The following CBX1 variants were observed in gnomAD, a reference collection of about 807,000 sequenced individuals.
CBX1 encodes chromobox 1, also known as chromobox protein homolog 1.
CBX1 carries 10 observed loss-of-function variants against 25.1 expected under a neutral mutation model. The ratio of observed to expected loss-of-function variants is 0.40; its 90% confidence interval spans 0.25 to 0.68. The LOEUF (loss-of-function observed/expected upper bound fraction) is 0.68. Among genes scored for constraint, CBX1 ranks in the 30% least tolerant of loss-of-function variants. CBX1 has a pLI of 0.40. For missense variants in CBX1, 106 were observed against 218.5 expected (o/e 0.49, Z 3.25); for synonymous variants, 63 against 79.4 (o/e 0.79, Z 1.10).
intron 1 of CBX1, among the ~76,000 whole-genome samples, chr17:48,094,757 T>C (rs965944862): frequency 7.8e-6 from 1 of 128,238 alleles, no homozygotes; most frequent in African/African-American, 3.0e-5. Flanking sequence ...AAAAAAAAAG[T>C]GTGCTCCTGA....
intron 1 of CBX1, chr17:48,095,927 C>T (rs962669966): frequency 3.9e-5 from 6 of 152,174 alleles, no homozygotes; most frequent in African/African-American, 7.2e-5. Context: ...TTCACCCAGG[C>T]TAGAGTACAG....
rs375669887 is a variant in CBX1 at position 48,101,439 on chromosome 17, G to C, written c.-209C>G. The C allele has an allele frequency of 1.4e-5, 14 of 985,620 alleles. No individual in the cohort carries two copies. The East Asian group carries it at 1.4e-3, about 96-fold the overall frequency. 61.1% of individuals were successfully genotyped at this position (985,620 alleles called of 1,614,324 possible). ...CCGGCCAACGGCCCTCCCCTCAGCCGAACAAAAGAGCCTCGCAGTCTGCGC... is the reference window on the plus strand; with the variant it reads ...CCGGCCAACGGCCCTCCCCTCAGCCCAACAAAAGAGCCTCGCAGTCTGCGC... On this transcript the variant is annotated 5_prime_UTR_variant, in exon 1 of 5. Transcript: ENST00000225603.
At position 48,071,083 on chromosome 17, in the gene CBX1, G is replaced by A. The variant is rs1367564738; in HGVS notation, c.*352C>T. On this transcript the variant is annotated 3_prime_UTR_variant, in exon 5 of 5. Transcript: ENST00000225603. ...CAGAGTTAACACTATTGGGAAGAAGGCTGTGGGTTGTGGAGATGCTCTTTG... is the reference window on the plus strand; with the variant it reads ...CAGAGTTAACACTATTGGGAAGAAGACTGTGGGTTGTGGAGATGCTCTTTG... The A allele has an allele frequency of 5.9e-6, 1 of 169,898 alleles. No homozygotes were observed. The highest frequency in any genetic ancestry group is 5.9e-5 in the Admixed American group (1 of 16,964). The allele number at this position is 169,898 out of a possible 1,614,324, so 10.5% of individuals were successfully genotyped here.
At chr17:48,092,062 C>T (rs1419038455) in intron 1 of CBX1, among the ~76,000 whole-genome samples, 1 of 134,786 alleles carries the variant, frequency 7.4e-6, no homozygotes, top group African/African-American at 2.9e-5. Flanking sequence ...GCCATCTTGA[C>T]TCACCACAAC....
At chr17:48,085,051 T>C (rs531625874) in intron 1 of CBX1, among the ~76,000 whole-genome samples, 2 of 152,326 alleles carry the variant, frequency 1.3e-5, no homozygotes, top group South Asian at 4.1e-4. Context: ...TTGTCCTACT[T>C]AGCCAACTCG....
chr17:48,076,856 GA>G lies in CBX1; in HGVS notation c.140+8del. ...GGTGGCTACATTTACCTGTGTCAGT[GA>G]AACTTACTCTGAGAATCCCTTCCAC... On this transcript the variant is annotated splice_region_variant and intron_variant, in intron 2 of 4. Transcript: ENST00000225603. 6.2e-7 allele frequency: 1 copy of G among 1,607,194 alleles called. No individual in the cohort carries two copies. Among genetic ancestry groups the G allele is most frequent in the Middle Eastern group, 2.2e-4 (1 of 4,556 alleles).
At chr17:48,074,403 T>C (rs1376699003) in intron 4 of CBX1, among the ~76,000 whole-genome samples, 2 of 152,194 alleles carry the variant, frequency 1.3e-5, no homozygotes, top group Non-Finnish European at 2.9e-5. Flanking sequence ...ACAGAGATTG[T>C]TGGGATAACT....
chr17:48,072,293 G>T (rs541686058), intron 4 of CBX1, among the ~76,000 whole-genome samples: 1 of 152,206 alleles, frequency 6.6e-6, no homozygotes, highest in South Asian at 2.1e-4. Flanking sequence ...TTACAGGCAT[G>T]AGCCACCTCG....
intron 1 of CBX1, among the ~76,000 whole-genome samples, chr17:48,092,285 C>T (rs1261387361): frequency 2.0e-5 from 3 of 151,508 alleles, no homozygotes; most frequent in Non-Finnish European, 2.9e-5. Context: ...CCACCATGCC[C>T]GACCAGATCT....
At chr17:48,074,444 C>CA (rs1486713619) in intron 4 of CBX1, among the ~76,000 whole-genome samples, 1 of 152,160 alleles carries the variant, frequency 6.6e-6, no homozygotes, top group Non-Finnish European at 1.5e-5. Flanking sequence ...TGGAGTATTA[C>CA]TATCACTGGT....
chr17:48,076,302 A>C (rs2037674211), intron 2 of CBX1, 124 bp from the exon 3 acceptor site: 1 of 696,842 alleles, frequency 1.4e-6, no homozygotes, highest in South Asian at 4.0e-5. Context: ...GGGAATGGGG[A>C]AGCTTTTTAG....
At chr17:48,087,716 A>G (rs2063320434) in intron 1 of CBX1, among the ~76,000 whole-genome samples, 1 of 151,946 alleles carries the variant, frequency 6.6e-6, no homozygotes, top group African/African-American at 2.4e-5. Context: ...TAGTAAAAAC[A>G]CAAAAATTGG....
At chr17:48,084,423 C>T (rs1294921344) in intron 1 of CBX1, among the ~76,000 whole-genome samples, 1 of 146,972 alleles carries the variant, frequency 6.8e-6, no homozygotes, top group East Asian at 2.0e-4. Flanking sequence ...GTTGCTCAGC[C>T]TGGTCTCCAA....
At chr17:48,072,445 C>G (rs2037633767) in intron 4 of CBX1, among the ~76,000 whole-genome samples, 1 of 152,132 alleles carries the variant, frequency 6.6e-6, no homozygotes, top group Non-Finnish European at 1.5e-5. Context: ...AATGATGTTT[C>G]AACATCGGGA....
intron 4 of CBX1, among the ~76,000 whole-genome samples, chr17:48,072,554 G>T (rs1238366294): frequency 6.6e-6 from 1 of 151,626 alleles, no homozygotes; most frequent in African/African-American, 2.4e-5. Flanking sequence ...TTGGGAAGCC[G>T]AGGCAGGTGG....
chr17:48,074,892 T>C, intron 4 of CBX1, 114 bp downstream of exon 4: 1 of 802,902 alleles, frequency 1.2e-6, no homozygotes, highest in South Asian at 1.4e-5. Flanking sequence ...CTATGCCATC[T>C]TAACAATTTC....
chr17:48,076,054 A>C lies in CBX1; in HGVS notation c.265T>G (p.Ser89Ala). 1 of 1,613,134 alleles carries C rather than the reference A, an allele frequency of 6.2e-7. No homozygotes were observed. Among genetic ancestry groups the C allele is most frequent in the Non-Finnish European group, 8.5e-7 (1 of 1,179,276 alleles). ...KSEGGKRKAD[S>A]DSEDKGEESK... ...TCCTCTCCCTTATCTTCAGAATCAG[A>C]ATCAGCTTTGCGCTTGCCTCCCTCT... The change falls in exon 3 of 5, where the codon TCT (serine) becomes GCT (alanine). Residue 89 changes from serine (S) to alanine (A), a missense_variant. Ser to Ala is a moderately conservative substitution (Grantham distance 99, BLOSUM62 1). Transcript: ENST00000225603.
intron 1 of CBX1, among the ~76,000 whole-genome samples, chr17:48,092,655 T>A (rs1009319054): frequency 1.3e-5 from 2 of 151,850 alleles, no homozygotes; most frequent in African/African-American, 4.8e-5. Flanking sequence ...GGTTTCACCA[T>A]CTTTGCTAGG....
chr17:48,097,459 T>A (rs2063381906), intron 1 of CBX1, among the ~76,000 whole-genome samples: 1 of 151,292 alleles, frequency 6.6e-6, no homozygotes. Context: ...CTACTAAAAA[T>A]ACAAAAATTA....
Sources: gnomAD v4.1 joint callset for allele counts (sites outside exome capture counted in the v4.1 genomes callset) on GRCh38, gnomAD v4.1.1 for gene constraint, MANE v1.5 for transcripts, NCBI Gene and HGNC (gene_info 2026-07-23, HGNC 2026-07-21) for gene names.